MACROD2: variants seen among roughly 807,000 people sequenced by gnomAD.
MACROD2 encodes ADP-ribose glycohydrolase MACROD2.
Under a neutral mutation model 70.4 loss-of-function variants are expected in MACROD2, and 36 were observed. That is an observed-to-expected ratio of 0.51 (90% CI 0.39 to 0.68). MACROD2 has a LOEUF of 0.68. Ranked by LOEUF, MACROD2 falls within the 30% of genes least tolerant of loss-of-function variation. The pLI, the probability that MACROD2 is intolerant of heterozygous loss-of-function variation, is 0.00. For synonymous variants in MACROD2, 172 were observed against 178.8 expected (o/e 0.96, Z 0.30); for missense variants, 496 against 538.4 (o/e 0.92, Z 0.78).
intron 6 of MACROD2, among the ~76,000 whole-genome samples, chr20:15,386,953 T>A (rs1031809884): frequency 1.3e-5 from 2 of 152,086 alleles, no homozygotes; most frequent in African/African-American, 4.8e-5. Flanking sequence ...AATCCTTTTT[T>A]CCCCCTTTCC....
At chr20:15,371,573 T>C (rs538565272) in intron 6 of MACROD2, among the ~76,000 whole-genome samples, 1 of 152,286 alleles carries the variant, frequency 6.6e-6, no homozygotes, top group African/African-American at 2.4e-5. Flanking sequence ...GTGAAACCTC[T>C]AACAAGGGAA....
intron 11 of MACROD2, among the ~76,000 whole-genome samples, chr20:15,936,671 G>GTATATATATATATATATATATATATA (rs10626103): frequency 0.012 from 1,736 of 142,628 alleles, 17 homozygotes; most frequent in Middle Eastern, 0.019. Context: ...GTATATGTGT[G>GTATATATATATATATATATATATATA]TATATATATA....
chr20:14,573,713 A>C (rs1236188384), intron 4 of MACROD2, among the ~76,000 whole-genome samples: 1 of 152,144 alleles, frequency 6.6e-6, no homozygotes, highest in Non-Finnish European at 1.5e-5. Context: ...TCCATACCTC[A>C]CAACAGAGTA....
intron 4 of MACROD2, among the ~76,000 whole-genome samples, chr20:14,557,321 T>G (rs1252584431): frequency 6.6e-6 from 1 of 151,884 alleles, no homozygotes; most frequent in Admixed American, 6.6e-5. Flanking sequence ...AATGAATTCT[T>G]AGATATGATA....
intron 3 of MACROD2, among the ~76,000 whole-genome samples, chr20:14,306,047 C>G (rs572259289): frequency 3.4e-4 from 51 of 152,104 alleles, no homozygotes; most frequent in African/African-American, 1.2e-3. Flanking sequence ...TTTGTCTTAT[C>G]TCTTTTCATT....
intron 10 of MACROD2, among the ~76,000 whole-genome samples, chr20:15,912,331 G>A (rs2065249478): frequency 6.6e-6 from 1 of 152,144 alleles, no homozygotes. Context: ...GAAACGTTGG[G>A]TCTCATCATC....
intron 5 of MACROD2, among the ~76,000 whole-genome samples, chr20:15,174,705 G>A (rs1241994282): frequency 1.3e-5 from 2 of 152,230 alleles, no homozygotes; most frequent in Admixed American, 6.5e-5. Context: ...TCTAACTGGT[G>A]TGAGATGGTA....
intron 5 of MACROD2, among the ~76,000 whole-genome samples, chr20:14,730,960 T>G (rs1411676038): frequency 2.0e-5 from 3 of 150,990 alleles, no homozygotes; most frequent in Admixed American, 1.3e-4. Flanking sequence ...ATTAGCTGTG[T>G]ATTGCCCAAA....
At chr20:14,298,500 G>A (rs1001538532) in intron 3 of MACROD2, among the ~76,000 whole-genome samples, 2 of 151,152 alleles carry the variant, frequency 1.3e-5, no homozygotes, top group Admixed American at 6.6e-5. Context: ...CCCGGGAGGC[G>A]GAGGTTGCAG....
At chr20:15,186,517 A>G (rs139303709) in intron 5 of MACROD2, among the ~76,000 whole-genome samples, 54 of 152,356 alleles carry the variant, frequency 3.5e-4, no homozygotes, top group African/African-American at 1.2e-3. Flanking sequence ...GACTTAAGAC[A>G]GCAGCAAGGA....
chr20:15,129,408 T>C (rs888260003), intron 5 of MACROD2, among the ~76,000 whole-genome samples: 1 of 152,082 alleles, frequency 6.6e-6, no homozygotes, highest in Non-Finnish European at 1.5e-5. Context: ...ATTTTATTTC[T>C]TTATTCCTCC....
At chr20:14,406,395 G>T (rs775931811) in intron 3 of MACROD2, among the ~76,000 whole-genome samples, 2 of 152,054 alleles carry the variant, frequency 1.3e-5, no homozygotes, top group African/African-American at 2.4e-5. Context: ...TTATATTCTT[G>T]TAAGTCAAGA....
In MACROD2 at chr20:15,281,834, T is replaced by A. The variant is rs184041031; in HGVS notation, c.540+51773T>A. 7.2e-4 allele frequency among the ~76,000 whole-genome samples: 110 copies of A among 152,320 alleles called. 1 individual carries two copies. Among genetic ancestry groups the A allele is most frequent in the Admixed American group, 2.7e-3 (42 of 15,300 alleles). On this transcript the variant is annotated intron_variant, in intron 6 of 17. Coordinates refer to ENST00000684519, the MANE Select transcript of MACROD2 (RefSeq NM_001351661.2). ...GTGCCCCAGTGGGGACTCTGGAGAC[T>A]CTAACCCCACATTTCCCTTCCATAC...
intron 5 of MACROD2, among the ~76,000 whole-genome samples, chr20:15,076,628 T>A (rs1167233615): frequency 2.0e-5 from 3 of 152,182 alleles, no homozygotes; most frequent in Admixed American, 6.5e-5. Context: ...CAAATATGTT[T>A]TCTGTCACTT....
intron 7 of MACROD2, among the ~76,000 whole-genome samples, chr20:15,433,764 T>C (rs1233094779): frequency 1.7e-5 from 2 of 120,434 alleles, no homozygotes; most frequent in East Asian, 2.1e-4. Flanking sequence ...AAAAAAAAAA[T>C]CTGGAGGCAT....
chr20:14,077,316 TAATAA>T (rs1038699450), intron 2 of MACROD2, among the ~76,000 whole-genome samples: 2 of 152,192 alleles, frequency 1.3e-5, no homozygotes, highest in Non-Finnish European at 2.9e-5. Flanking sequence ...TTGGGCCTGT[TAATAA>T]AATGTTCTTC....
At chr20:15,185,738 C>G (rs1222074444) in intron 5 of MACROD2, among the ~76,000 whole-genome samples, 2 of 152,158 alleles carry the variant, frequency 1.3e-5, no homozygotes, top group African/African-American at 4.8e-5. Context: ...AGTTTCTAAA[C>G]TATGAACCAG....
At chr20:15,844,285 C>A (rs568010611) in intron 8 of MACROD2, among the ~76,000 whole-genome samples, 1 of 152,026 alleles carries the variant, frequency 6.6e-6, no homozygotes, top group Non-Finnish European at 1.5e-5. Context: ...TATGAACTCC[C>A]TGCAGTCAGG....
intron 4 of MACROD2, among the ~76,000 whole-genome samples, chr20:14,606,485 G>T (rs1273110473): frequency 6.6e-6 from 1 of 152,138 alleles, no homozygotes; most frequent in East Asian, 1.9e-4. Flanking sequence ...CATTGAAATT[G>T]TGATTACTAT....
Sources: gnomAD v4.1 joint callset for allele counts (sites outside exome capture counted in the v4.1 genomes callset) on GRCh38, gnomAD v4.1.1 for gene constraint, MANE v1.5 for transcripts, NCBI Gene and HGNC (gene_info 2026-07-23, HGNC 2026-07-21) for gene names.